PCDH11X: variants seen among roughly 807,000 people sequenced by gnomAD.
The protein encoded by PCDH11X is protocadherin 11 X-linked, also known as protocadherin-11 X-linked.
A neutral mutation model predicts 53.3 loss-of-function variants in PCDH11X; 18 were observed. That is an observed-to-expected ratio of 0.34 (90% CI 0.23 to 0.50). The LOEUF (loss-of-function observed/expected upper bound fraction) is 0.50, where lower values mean the gene tolerates loss of function less well. Among genes scored for constraint, PCDH11X ranks in the 20% least tolerant of loss-of-function variants. The pLI is 0.98. For synonymous variants in PCDH11X, 279 were observed against 393.3 expected, an observed-to-expected ratio of 0.71 and a Z score of 3.44; for missense variants, 570 against 1,032.4, an observed-to-expected ratio of 0.55 and a Z score of 6.14.
intron 10 of PCDH11X, among the ~76,000 whole-genome samples, chrX:92,597,484 C>T (rs978797320): frequency 2.7e-5 from 3 of 110,760 alleles, no homozygotes; most frequent in Admixed American, 9.6e-5. Context: ...AGTAAAAGAT[C>T]GCTATAATAA....
intron 6 of PCDH11X, among the ~76,000 whole-genome samples, chrX:92,098,420 T>C (rs2064178098): frequency 9.0e-6 from 1 of 111,448 alleles, no homozygotes; most frequent in African/African-American, 3.3e-5. Context: ...TTAAATAATA[T>C]AAATTCTTTC....
chrX:92,113,502 A>G, intron 6 of PCDH11X: 1 of 1,202,326 alleles, frequency 8.3e-7, no homozygotes, highest in South Asian at 1.8e-5. Flanking sequence ...TGCTAGAGCC[A>G]GAACGAAACT....
intron 5 of PCDH11X, among the ~76,000 whole-genome samples, chrX:91,858,524 A>C (rs1481895712): frequency 8.9e-6 from 1 of 111,836 alleles, no homozygotes; most frequent in African/African-American, 3.3e-5. Context: ...TTAAACATAA[A>C]TTCCATAAGT....
chrX:92,617,648 A>C (rs1190706851), intron 10 of PCDH11X, among the ~76,000 whole-genome samples: 1 of 110,852 alleles, frequency 9.0e-6, no homozygotes, highest in Non-Finnish European at 1.9e-5. Context: ...ATTATAAACT[A>C]TTATAGTTTA....
At chrX:92,605,155 A>G (rs1602431050) in intron 10 of PCDH11X, among the ~76,000 whole-genome samples, 3 of 109,669 alleles carry the variant, frequency 2.7e-5, no homozygotes, top group South Asian at 3.8e-4. Context: ...AGGATAGACT[A>G]TATGGTAGGC....
intron 10 of PCDH11X, among the ~76,000 whole-genome samples, chrX:92,613,529 T>TTTG (rs1356498222): frequency 1.8e-4 from 15 of 84,476 alleles, no homozygotes; most frequent in East Asian, 6.6e-4. Context: ...TTTAAGTTTT[T>TTTG]TTGTTGTTGT....
At chrX:92,191,339 T>C (rs1396162689) in intron 6 of PCDH11X, among the ~76,000 whole-genome samples, 1 of 112,354 alleles carries the variant, frequency 8.9e-6, no homozygotes, top group African/African-American at 3.2e-5. Flanking sequence ...TTCAATTTGT[T>C]CTCTGTTCGT....
intron 6 of PCDH11X, among the ~76,000 whole-genome samples, chrX:92,074,709 A>G (rs752257997): frequency 3.3e-4 from 37 of 112,212 alleles, no homozygotes; most frequent in Admixed American, 7.6e-4. Context: ...ATTTTTTAAC[A>G]GTCAATATTT....
At chrX:92,000,339 G>A (rs896902183) in intron 6 of PCDH11X, among the ~76,000 whole-genome samples, 1 of 111,192 alleles carries the variant, frequency 9.0e-6, no homozygotes, top group Non-Finnish European at 1.9e-5. Context: ...AAGTATTACA[G>A]CATACGATGA....
intron 5 of PCDH11X, among the ~76,000 whole-genome samples, chrX:91,855,642 T>G (rs1467601618): frequency 9.1e-6 from 1 of 110,475 alleles, no homozygotes; most frequent in Non-Finnish European, 1.9e-5. Flanking sequence ...ATGGAATATT[T>G]TTTCCCTTTT....
intron 6 of PCDH11X, chrX:91,983,141 C>T (rs975609931): frequency 7.3e-6 from 7 of 957,006 alleles, no homozygotes; most frequent in Non-Finnish European, 1.1e-5. Context: ...GGGTAATGTG[C>T]TCCTGCTTGT....
chrX:92,126,249 T>TTTA (rs761733860), intron 6 of PCDH11X, among the ~76,000 whole-genome samples: 37 of 112,107 alleles, frequency 3.3e-4, no homozygotes, highest in Non-Finnish European at 6.4e-4. Flanking sequence ...CACATATGCA[T>TTTA]TTATGTTCTC....
At chrX:92,353,413 A>T (rs1037225574) in intron 8 of PCDH11X, among the ~76,000 whole-genome samples, 5 of 111,408 alleles carry the variant, frequency 4.5e-5, no homozygotes, top group Non-Finnish European at 9.4e-5. Context: ...ATCCCTAATC[A>T]GATATATCTG....
At chrX:92,590,291 C>T (rs1281469843) in intron 10 of PCDH11X, among the ~76,000 whole-genome samples, 1 of 111,283 alleles carries the variant, frequency 9.0e-6, no homozygotes, top group African/African-American at 3.3e-5. Flanking sequence ...TAAACTCTTT[C>T]CTGCAATGGC....
chrX:92,282,129 A>T (rs927068357), intron 8 of PCDH11X, among the ~76,000 whole-genome samples: 6 of 110,921 alleles, frequency 5.4e-5, no homozygotes, highest in African/African-American at 2.0e-4. Context: ...AAGGAGAGAA[A>T]AGGGAGTGGG....
rs1356411225 is a variant in PCDH11X at position 92,604,987 on chromosome X, A to G, written c.3368-13277A>G. On this transcript the variant is annotated intron_variant, in intron 10 of 10. Transcript: ENST00000682573. ...AAATAGACACTTCAGTAATAGTTAG[A>G]TATTTCTATATTTGTTTTTCAATAA... Among the ~76,000 whole-genome samples, 3 of 90,219 alleles carry G rather than the reference A, an allele frequency of 3.3e-5. 1 individual carries two copies. The highest frequency in any genetic ancestry group is 6.2e-5 in the Non-Finnish European group (3 of 48,631). 78.3% of individuals were successfully genotyped at this position (90,219 alleles called of 115,157 possible). A position where few individuals can be genotyped will look rare whatever the true frequency, so the allele number is the denominator to read the frequency against.
intron 6 of PCDH11X, among the ~76,000 whole-genome samples, chrX:91,976,327 T>C (rs1237953922): frequency 1.8e-5 from 2 of 112,491 alleles, no homozygotes; most frequent in Non-Finnish European, 3.7e-5. Flanking sequence ...ATAAAACAGA[T>C]GTAATTTTGA....
At chrX:92,341,685 A>T (rs1294677458) in intron 8 of PCDH11X, among the ~76,000 whole-genome samples, 1 of 111,308 alleles carries the variant, frequency 9.0e-6, no homozygotes, top group Admixed American at 9.6e-5. Flanking sequence ...CACCAATAGG[A>T]TGGTACTAAA....
At chrX:92,239,574 G>A (rs761445344) in intron 7 of PCDH11X, among the ~76,000 whole-genome samples, 36 of 111,752 alleles carry the variant, frequency 3.2e-4, no homozygotes, top group African/African-American at 1.1e-3. Context: ...ATTGAATCAT[G>A]TAATTCTGCA....
Sources: allele counts gnomAD v4.1 joint callset (sites outside exome capture counted in the v4.1 genomes callset), GRCh38; gene constraint gnomAD v4.1.1; transcripts MANE v1.5; gene names NCBI Gene and HGNC (gene_info 2026-07-23, HGNC 2026-07-21).